ADAMTS3: variants seen among roughly 807,000 people sequenced by gnomAD.
ADAMTS3 encodes the protein A disintegrin and metalloproteinase with thrombospondin motifs 3.
A neutral mutation model predicts 129.0 loss-of-function variants in ADAMTS3; 73 were observed. The observed-to-expected ratio is 0.57, with a 90% CI of 0.47 to 0.69. ADAMTS3 has a LOEUF of 0.69. Among genes scored for constraint, ADAMTS3 ranks in the 30% least tolerant of loss-of-function variants. The probability of loss-of-function intolerance (pLI) is 0.00; values close to 1 mark genes in which losing one functional copy is unlikely to be tolerated. For missense variants in ADAMTS3, 1,457 were observed against 1,514.5 expected, an observed-to-expected ratio of 0.96 and a Z score of 0.63; for synonymous variants, 477 against 510.8, an observed-to-expected ratio of 0.93 and a Z score of 0.89.
At chr4:72,424,003 CAT>C (rs1266688857) in intron 3 of ADAMTS3, among the ~76,000 whole-genome samples, 1 of 152,012 alleles carries the variant, frequency 6.6e-6, no homozygotes, top group African/African-American at 2.4e-5. Context: ...ATTTCTATGG[CAT>C]TTATCACTGT....
intron 3 of ADAMTS3, among the ~76,000 whole-genome samples, chr4:72,542,246 G>T (rs1377980005): frequency 6.6e-6 from 1 of 152,090 alleles, no homozygotes; most frequent in African/African-American, 2.4e-5. Context: ...CTCACTGCAA[G>T]CTCCATCTCC....
intron 9 of ADAMTS3, among the ~76,000 whole-genome samples, chr4:72,319,024 A>G (rs543553238): frequency 4.6e-5 from 7 of 152,272 alleles, no homozygotes; most frequent in African/African-American, 1.7e-4. Flanking sequence ...AGCTCGTATC[A>G]TATGCAGAAA....
At chr4:72,447,383 C>A (rs1421547836) in intron 3 of ADAMTS3, among the ~76,000 whole-genome samples, 4 of 151,698 alleles carry the variant, frequency 2.6e-5, no homozygotes, top group African/African-American at 2.4e-5. Flanking sequence ...TCTTTTCATG[C>A]AGCTAATATT....
At chr4:72,299,683 A>G (rs535027523) in intron 17 of ADAMTS3, among the ~76,000 whole-genome samples, 4 of 152,292 alleles carry the variant, frequency 2.6e-5, no homozygotes, top group African/African-American at 7.2e-5. Flanking sequence ...ATTGGATGGG[A>G]AAAATATCAT....
At chr4:72,345,328 T>C (rs1022924667) in intron 4 of ADAMTS3, among the ~76,000 whole-genome samples, 1 of 152,126 alleles carries the variant, frequency 6.6e-6, no homozygotes, top group Non-Finnish European at 1.5e-5. Flanking sequence ...CCAACAAATG[T>C]CATCTATTAA....
At chr4:72,552,510 A>T (rs1721669703) in intron 2 of ADAMTS3, among the ~76,000 whole-genome samples, 1 of 152,168 alleles carries the variant, frequency 6.6e-6, no homozygotes, top group Admixed American at 6.6e-5. Context: ...CCACAGGCAC[A>T]ATTTCGAATG....
chr4:72,476,288 C>T (rs181306605), intron 3 of ADAMTS3, among the ~76,000 whole-genome samples: 35 of 152,040 alleles, frequency 2.3e-4, no homozygotes, highest in African/African-American at 7.2e-4. Flanking sequence ...GAAATAGATT[C>T]ATTCAAGATC....
Position 72,461,449 on chromosome 4 carries a change from C to A in ADAMTS3, c.505-46478G>T, listed in dbSNP as rs1326245794. Among the ~76,000 whole-genome samples, 3 of 151,774 alleles carry A rather than the reference C, an allele frequency of 2.0e-5. No individual in the cohort carries two copies. In the East Asian group the frequency reaches 5.9e-4, roughly 30 times the overall value. ...TTTTCTTTAGTGGACTGTAGATATT[C>A]TCTTTAGTCAATTCCATCTGTTAGT... On this transcript the variant is annotated intron_variant, in intron 3 of 21. Coordinates refer to ENST00000286657, the MANE Select transcript of ADAMTS3 (RefSeq NM_014243.3).
intron 4 of ADAMTS3, among the ~76,000 whole-genome samples, chr4:72,413,769 A>G (rs1035656604): frequency 6.6e-6 from 1 of 151,950 alleles, no homozygotes; most frequent in Non-Finnish European, 1.5e-5. Flanking sequence ...ACTCATACCA[A>G]GTCTAACTGC....
At chr4:72,511,172 T>C (rs1444999331) in intron 3 of ADAMTS3, among the ~76,000 whole-genome samples, 1 of 151,606 alleles carries the variant, frequency 6.6e-6, no homozygotes, top group Non-Finnish European at 1.5e-5. Flanking sequence ...ATTATGAAAC[T>C]ATTACAAGGA....
intron 3 of ADAMTS3, among the ~76,000 whole-genome samples, chr4:72,476,852 G>C (rs573900757): frequency 6.6e-6 from 1 of 152,088 alleles, no homozygotes; most frequent in Non-Finnish European, 1.5e-5. Context: ...AGCAAGGCTA[G>C]TTCAACTTTC....
intron 3 of ADAMTS3, among the ~76,000 whole-genome samples, chr4:72,481,031 A>G (rs889472259): frequency 6.6e-6 from 1 of 152,136 alleles, no homozygotes; most frequent in Non-Finnish European, 1.5e-5. Context: ...TGAAACTTAC[A>G]CAATATTGGT....
At position 72,540,643 on chromosome 4, in the gene ADAMTS3, G is replaced by A. The variant is rs898298626; in HGVS notation, c.504+7835C>T. On this transcript the variant is annotated intron_variant, in intron 3 of 21. Transcript: ENST00000286657. ...AACATGATTTCATGGGCCAGGCCCAGCGTTGTCATGCTGTGTGCAGTCTAG... is the reference window on the plus strand; with the variant it reads ...AACATGATTTCATGGGCCAGGCCCAACGTTGTCATGCTGTGTGCAGTCTAG... Among the ~76,000 whole-genome samples, 10 of 152,276 alleles carry A rather than the reference G, an allele frequency of 6.6e-5. 1 individual carries two copies. Among genetic ancestry groups the A allele is most frequent in the Admixed American group, 6.5e-4 (10 of 15,300 alleles).
intron 4 of ADAMTS3, among the ~76,000 whole-genome samples, chr4:72,398,095 G>C (rs1721772081): frequency 6.6e-6 from 1 of 152,124 alleles, no homozygotes; most frequent in Non-Finnish European, 1.5e-5. Flanking sequence ...AGAGGACCAG[G>C]AAAATAAGTC....
chr4:72,333,429 A>G (rs1049323818), intron 5 of ADAMTS3, among the ~76,000 whole-genome samples: 1 of 152,176 alleles, frequency 6.6e-6, no homozygotes, highest in Non-Finnish European at 1.5e-5. Flanking sequence ...AGCAAATCCT[A>G]CTGATTTTAC....
chr4:72,320,059 C>G (rs1394970092), intron 7 of ADAMTS3, 96 bp from the exon 8 acceptor site: 1 of 953,216 alleles, frequency 1.0e-6, no homozygotes, highest in African/African-American at 1.6e-5. Context: ...AAGTAAAAGC[C>G]TTTCAGGAAA....
intron 3 of ADAMTS3, among the ~76,000 whole-genome samples, chr4:72,467,790 T>G (rs935492782): frequency 2.6e-5 from 4 of 152,010 alleles, no homozygotes; most frequent in African/African-American, 9.7e-5. Flanking sequence ...CATACCACAC[T>G]GTAATCTTTT....
At chr4:72,399,820 T>TACGC (rs1560501252) in intron 4 of ADAMTS3, among the ~76,000 whole-genome samples, 15,532 of 130,024 alleles carry the variant, frequency 0.12, 3,799 homozygotes, top group Admixed American at 0.14. Flanking sequence ...ACACGGTGTG[T>TACGC]ATATACGTGT....
intron 15 of ADAMTS3, 132 bp from the exon 16 acceptor site, chr4:72,306,199 C>A: frequency 3.5e-6 from 2 of 575,770 alleles, no homozygotes; most frequent in South Asian, 6.9e-5. Context: ...GAAGCAGTTT[C>A]GGAAATTAAC....
Sources: gnomAD v4.1 joint callset for allele counts (sites outside exome capture counted in the v4.1 genomes callset) on GRCh38, gnomAD v4.1.1 for gene constraint, MANE v1.5 for transcripts, NCBI Gene and HGNC (gene_info 2026-07-23, HGNC 2026-07-21) for gene names.